The following CREBBP variants were observed in gnomAD, a reference collection of about 807,000 sequenced individuals.
CREBBP encodes CREB binding lysine acetyltransferase.
A neutral mutation model predicts 265.0 loss-of-function variants in CREBBP; 19 were observed. The ratio of observed to expected loss-of-function variants is 0.07; its 90% CI spans 0.05 to 0.11. The LOEUF is 0.11. CREBBP is among the 10% of genes least tolerant of loss of function. The pLI is 1.00. For missense variants in CREBBP, 2,525 were observed against 3,219.0 expected (o/e 0.78, Z 5.22); for synonymous variants, 1,457 against 1,223.7 (o/e 1.19, Z -3.98).
At chr16:3,811,013 A>G (rs1234479874) in intron 2 of CREBBP, among the ~76,000 whole-genome samples, 1 of 151,786 alleles carries the variant, frequency 6.6e-6, no homozygotes, top group African/African-American at 2.4e-5. Context: ...CCCCACCCTC[A>G]GCCACTCTCC....
chr16:3,840,886 A>G (rs1159486193), intron 2 of CREBBP: 1 of 156,080 alleles, frequency 6.4e-6, no homozygotes, highest in Non-Finnish European at 1.5e-5. Context: ...ACTGGGCTTA[A>G]GGGAGTTCAG....
chr16:3,818,534 G>A (rs2054083154), intron 2 of CREBBP, among the ~76,000 whole-genome samples: 1 of 152,102 alleles, frequency 6.6e-6, no homozygotes, highest in South Asian at 2.1e-4. Flanking sequence ...ACGTTGGCCA[G>A]GCTGGTCTCA....
At chr16:3,773,397 C>G (rs917706007) in intron 13 of CREBBP, among the ~76,000 whole-genome samples, 2 of 152,116 alleles carry the variant, frequency 1.3e-5, no homozygotes, top group Non-Finnish European at 2.9e-5. Flanking sequence ...CCTTCTCACT[C>G]GCTTTTTAAA....
At chr16:3,792,203 AC>A in intron 4 of CREBBP, 109 bp from the exon 5 acceptor site, 2 of 956,944 alleles carry the variant, frequency 2.1e-6, no homozygotes, top group Non-Finnish European at 3.3e-6. Flanking sequence ...AACAAGTGTA[AC>A]CATAACACAG....
At chr16:3,862,437 G>A (rs1478189755) in intron 1 of CREBBP, among the ~76,000 whole-genome samples, 1 of 152,190 alleles carries the variant, frequency 6.6e-6, no homozygotes, top group Non-Finnish European at 1.5e-5. Flanking sequence ...CTGGAGTGCA[G>A]TGACACAATC....
intron 25 of CREBBP, 134 bp downstream of exon 25, chr16:3,739,444 G>T: frequency 1.0e-6 from 1 of 988,978 alleles, no homozygotes; most frequent in Non-Finnish European, 1.5e-6. Context: ...TAACTACTTT[G>T]GTTAGTTAAT....
rs749414007 is a variant in CREBBP, at chr16:3,757,317, G to A, written c.3669C>T (p.Arg1223=). The change falls in exon 19 of 31, where the codon CGC becomes CGT. Residue 1223 remains arginine (R), a synonymous_variant. Transcript: ENST00000262367. The part of the protein sequence containing the change: ...CYGKQLCTIP[R]DAAYYSYQNR... The stretch of plus-strand genomic sequence containing the variant: ...TCTGATAGCTGTAGTAGGCAGCATC[G>A]CGAGGAATGGTACACAGCTGCTTCC... 10 of 1,613,662 alleles carry A rather than the reference G, an allele frequency of 6.2e-6. No individual in the cohort carries two copies. The highest frequency in any genetic ancestry group is 3.3e-5 in the South Asian group (3 of 90,892).
chr16:3,749,750 T>A (rs2151368851), intron 20 of CREBBP, 67 bp from the exon 21 acceptor site: 1 of 1,027,966 alleles, frequency 9.7e-7, no homozygotes, highest in Non-Finnish European at 1.5e-6. Flanking sequence ...AACTATAGGG[T>A]CTCTGGAATG....
At chr16:3,820,705 A>G (rs947088308) in intron 2 of CREBBP, among the ~76,000 whole-genome samples, 3 of 152,098 alleles carry the variant, frequency 2.0e-5, no homozygotes, top group African/African-American at 7.2e-5. Context: ...TCTCTACAAA[A>G]AATAATTAGC....
At position 3,767,651 on chromosome 16, in the gene CREBBP, C is replaced by A. The variant is rs2141180401; in HGVS notation, c.3250+69G>T. 3.1e-6 allele frequency: 5 copies of A among 1,592,006 alleles called. No homozygotes were observed. The South Asian group carries it at 5.5e-5, about 18-fold the overall frequency. On this transcript the variant is annotated intron_variant, in intron 16 of 30. Transcript: ENST00000262367. ...TTATGTTTCTACTTTAGCTTTTAAT[C>A]CTCCACATGGAATCCTAACACCGTG...
At chr16:3,730,778 A>G (rs2051892959) in intron 30 of CREBBP, among the ~76,000 whole-genome samples, 1 of 152,174 alleles carries the variant, frequency 6.6e-6, no homozygotes, top group African/African-American at 2.4e-5. Flanking sequence ...CGGCCCATGC[A>G]AGGGACACCC....
rs1418201985 is a variant in CREBBP at position 3,728,621 on chromosome 16, C to G, written c.6426G>C (p.Leu2142=). ...GCGGCACGCCAGCCTGCATGGCATTCAGGTTCTGCAGGCTGGGCTGCTGGT... is the reference window on the plus strand; with the variant it reads ...GCGGCACGCCAGCCTGCATGGCATTGAGGTTCTGCAGGCTGGGCTGCTGGT... ...GMHQQPSLQN[L]NAMQAGVPRP... is the part of the protein sequence containing the mutation. Residue 2142 remains leucine (L), a synonymous_variant, in exon 31 of 31, where the codon CTG becomes CTC. Coordinates refer to ENST00000262367, the MANE Select transcript of CREBBP (RefSeq NM_004380.3). The surrounding 1 kb of genome is among the most constrained non-coding windows in gnomAD (Gnocchi z 8.7). 6.2e-7 allele frequency: 1 copy of G among 1,613,674 alleles called. No individual in the cohort carries two copies. The highest frequency in any genetic ancestry group is 8.5e-7 in the Non-Finnish European group (1 of 1,179,912).
intron 21 of CREBBP, among the ~76,000 whole-genome samples, chr16:3,746,556 G>C (rs1056366770): frequency 6.6e-6 from 1 of 152,160 alleles, no homozygotes. Flanking sequence ...GAATTTCAAA[G>C]GTTGGGGCCA....
intron 2 of CREBBP, among the ~76,000 whole-genome samples, chr16:3,811,398 C>T (rs1023800678): frequency 6.6e-6 from 1 of 152,222 alleles, no homozygotes; most frequent in Non-Finnish European, 1.5e-5. Context: ...CCTCCTCATC[C>T]TCCTCAACGT....
chr16:3,775,381 C>T (rs2053113026), intron 11 of CREBBP, among the ~76,000 whole-genome samples: 1 of 152,176 alleles, frequency 6.6e-6, no homozygotes, highest in Non-Finnish European at 1.5e-5. Flanking sequence ...GTGTCTAGTT[C>T]CTTCCAATTT....
At chr16:3,871,717 G>A (rs1567379401) in intron 1 of CREBBP, among the ~76,000 whole-genome samples, 1 of 152,154 alleles carries the variant, frequency 6.6e-6, no homozygotes, top group Non-Finnish European at 1.5e-5. Context: ...CCAAACTAGG[G>A]GGAGGAGAAG....
chr16:3,874,441 G>C (rs1005186518), intron 1 of CREBBP, among the ~76,000 whole-genome samples: 4 of 152,198 alleles, frequency 2.6e-5, no homozygotes, highest in African/African-American at 9.7e-5. Flanking sequence ...CCAAATTGCA[G>C]CCCATGGGCG....
chr16:3,835,943 A>G (rs745695477), intron 2 of CREBBP, among the ~76,000 whole-genome samples: 21 of 152,056 alleles, frequency 1.4e-4, no homozygotes, highest in Non-Finnish European at 2.5e-4. Flanking sequence ...GGGAGAACGG[A>G]CAAGCAAATT....
intron 23 of CREBBP, 62 bp from the exon 24 acceptor site, chr16:3,740,611 G>C (rs991913074): frequency 6.9e-6 from 11 of 1,591,726 alleles, no homozygotes; most frequent in Middle Eastern, 1.7e-4. Flanking sequence ...CAGTGACTGA[G>C]ACTAGAGAAT....
Sources: gnomAD v4.1 joint callset for allele counts (sites outside exome capture counted in the v4.1 genomes callset) on GRCh38, gnomAD v4.1.1 for gene constraint, Gnocchi (gnomAD v3.1) non-coding constraint, MANE v1.5 for transcripts, NCBI Gene and HGNC (gene_info 2026-07-23, HGNC 2026-07-21) for gene names.